ATG16L2: variants seen among roughly 807,000 people sequenced by gnomAD.
ATG16L2 encodes autophagy related 16 like 2, also known as protein Atg16l2.
Under a neutral mutation model 84.7 loss-of-function variants are expected in ATG16L2, and 77 were observed. The observed-to-expected ratio is 0.91, with a 90% confidence interval of 0.76 to 1.10. The LOEUF is 1.10. Among genes scored for constraint, ATG16L2 ranks in the 50% least tolerant of loss-of-function variants. ATG16L2 has a pLI of 0.00. For synonymous variants in ATG16L2, 361 were observed against 342.8 expected (o/e 1.05, Z -0.59); for missense variants, 782 against 817.6 (o/e 0.96, Z 0.53).
chr11:72,826,230 A>G lies in ATG16L2; in HGVS notation c.1160A>G (p.Asp387Gly). ...EGAGGSITSV[D>G]FDPSGYQVLA... The stretch of plus-strand genomic sequence containing the variant: ...GCTGGTGGCAGCATCACCAGTGTGG[A>G]CTTTGACCCCTCGGTGAGGAACTCT... Residue 387 changes from aspartate to glycine, a missense_variant, in exon 11 of 18, where the codon GAC becomes GGC. Asp to Gly is a moderately conservative substitution (Grantham distance 94). Transcript: ENST00000321297. The G allele has an allele frequency of 6.2e-7, 1 of 1,613,806 alleles. No individual in the cohort carries two copies.
chr11:72,840,474 T>C (rs1860888076), intron 5 of ATG16L2, among the ~76,000 whole-genome samples: 2 of 152,180 alleles, frequency 1.3e-5, no homozygotes, highest in Admixed American at 1.3e-4. Context: ...ACCCGGAGAA[T>C]AAACGCTCTT....
chr11:72,824,503 C>T, intron 8 of ATG16L2: 1 of 575,130 alleles, frequency 1.7e-6, no homozygotes, highest in Non-Finnish European at 3.1e-6. Flanking sequence ...TTTCTTTGCA[C>T]CCACCAACCC....
intron 5 of ATG16L2, chr11:72,841,448 C>T (rs762347999): frequency 7.5e-6 from 12 of 1,610,542 alleles, no homozygotes; most frequent in Non-Finnish European, 1.0e-5. Flanking sequence ...CCAGGAGAAC[C>T]CTTACCGTTT....
intron 3 of ATG16L2, chr11:72,821,144 A>G: frequency 1.2e-6 from 1 of 865,280 alleles, no homozygotes; most frequent in Non-Finnish European, 1.4e-6. Context: ...TCTCTTAGCT[A>G]CGTGACTTTG....
Position 72,826,700 on chromosome 11 carries a change from C to G in ATG16L2, c.1246-3C>G. The G allele has an allele frequency of 6.2e-7, 1 of 1,614,140 alleles. No individual in the cohort carries two copies. The highest frequency in any genetic ancestry group is 8.5e-7 in the Non-Finnish European group (1 of 1,180,010). On this transcript the variant is annotated splice_region_variant and splice_polypyrimidine_tract_variant and intron_variant, in intron 12 of 17. Transcript: ENST00000321297. ...TTGATCCGTACCTGGGGCCGGGGTA[C>G]AGGAGACACTGTCTGGACACAAGGA...
In ATG16L2 at chr11:72,821,366, C is replaced by T. The variant is rs573554911; in HGVS notation, c.319-302C>T. On this transcript the variant is annotated intron_variant, in intron 3 of 17. Coordinates refer to ENST00000321297, the MANE Select transcript of ATG16L2 (RefSeq NM_033388.2). ...GGGAGCGGAGCGCTGGCTTCCCACT[C>T]TTCAGGCGAGGCAGTGGAGCGGGTT... 50 of 1,204,854 alleles carry T rather than the reference C, an allele frequency of 4.1e-5. 1 individual carries two copies. The highest frequency in any genetic ancestry group is 7.7e-5 in the Admixed American group (2 of 25,844). The allele number at this position is 1,204,854 out of a possible 1,614,324, so 74.6% of individuals were successfully genotyped here. A position where few individuals can be genotyped will look rare whatever the true frequency, so the allele number is the denominator to read the frequency against.
chr11:72,823,946 C>A, intron 7 of ATG16L2, 114 bp from the exon 8 acceptor site: 1 of 1,183,276 alleles, frequency 8.5e-7, no homozygotes, highest in Non-Finnish European at 1.3e-6. Context: ...GTTCTTATCC[C>A]AGACTTGAGA....
intron 7 of ATG16L2, 192 bp downstream of exon 7, chr11:72,823,153 C>G: frequency 1.9e-6 from 1 of 529,746 alleles, no homozygotes; most frequent in Non-Finnish European, 3.4e-6. Context: ...TTCCATCTCA[C>G]CCCCCCAACC....
chr11:72,831,575 TTCTTCGATAC>T, downstream of ATG16L2, among the ~76,000 whole-genome samples: 1 of 152,272 alleles, frequency 6.6e-6, no homozygotes, highest in African/African-American at 2.4e-5. Context: ...GGCTCCAACA[TTCTTCGATAC>T]TCAGCCTTCT....
chr11:72,821,286 T>A (rs1051701657), intron 3 of ATG16L2: 4 of 1,024,064 alleles, frequency 3.9e-6, no homozygotes, highest in Non-Finnish European at 4.7e-6. Context: ...GAGGGCCGGA[T>A]GGGCATTTGG....
chr11:72,826,176 G>A lies in ATG16L2; in HGVS notation c.1106G>A (p.Arg369His), dbSNP rs374124705. The change falls in exon 11 of 18, where the codon CGC becomes CAC. Residue 369 changes from arginine (R) to histidine (H), a missense_variant. Transcript: ENST00000321297. ...LIHLWNVVGS[R>H]LEANQTLEGA... ...TCCCTTCCCCTGGTCCTCCCAGGTC[G>A]CCTGGAGGCCAACCAGACCCTGGAG... The A allele has an allele frequency of 1.4e-5, 22 of 1,612,496 alleles. No individual in the cohort carries two copies. The highest frequency in any genetic ancestry group is 2.7e-5 in the African/African-American group (2 of 74,890).
rs527297703 is a variant in ATG16L2 at position 72,842,847 on chromosome 11, GA to G, written c.*253del. 121 of 1,610,124 alleles carry G rather than the reference GA, an allele frequency of 7.5e-5. No homozygotes were observed. The African/African-American group carries it at 1.5e-3, about 20-fold the overall frequency. The stretch of plus-strand genomic sequence containing the variant: ...AAGTGCTTTCACAAAACATACTAGG[GA>G]GCAAGAGAAAAACAAATCTGGTAAG... On this transcript the variant is annotated 3_prime_UTR_variant, in exon 6 of 6. Transcript: ENST00000534905.
At chr11:72,821,533 C>T (rs1473896973) in intron 3 of ATG16L2, 135 bp from the exon 4 acceptor site, 1 of 1,463,588 alleles carries the variant, frequency 6.8e-7, no homozygotes, top group Non-Finnish European at 9.0e-7. Flanking sequence ...GGTCCCAAAC[C>T]TGTGTGGGGC....
At chr11:72,815,793 T>A (rs1859667168) in intron 1 of ATG16L2, 1 of 151,982 alleles carries the variant, frequency 6.6e-6, no homozygotes, top group Non-Finnish European at 1.5e-5. Context: ...AGGAGGGAGC[T>A]AGGCCCGGAC....
chr11:72,840,995 A>C (rs750081391), intron 5 of ATG16L2: 7 of 1,513,374 alleles, frequency 4.6e-6, no homozygotes, highest in Non-Finnish European at 6.4e-6. Context: ...ATTTTACTTG[A>C]GTTGTTGAGC....
At chr11:72,842,206 T>C (rs1860977854) in intron 5 of ATG16L2, among the ~76,000 whole-genome samples, 2 of 152,136 alleles carry the variant, frequency 1.3e-5, no homozygotes, top group South Asian at 4.1e-4. Flanking sequence ...TTCTCTGAAA[T>C]AGACTGGCAG....
chr11:72,835,218 G>A (rs933525728), intron 5 of ATG16L2, among the ~76,000 whole-genome samples: 4 of 152,330 alleles, frequency 2.6e-5, no homozygotes, highest in African/African-American at 4.8e-5. Flanking sequence ...GTCAGAAGAC[G>A]GAAATGACAT....
chr11:72,841,539 C>T (rs139161872), intron 5 of ATG16L2: 57 of 1,610,982 alleles, frequency 3.5e-5, no homozygotes, highest in African/African-American at 5.4e-5. Context: ...GGTCGTACAA[C>T]GGCAGTGGAG....
intron 5 of ATG16L2, among the ~76,000 whole-genome samples, chr11:72,834,882 G>A (rs533219666): frequency 1.3e-5 from 1 of 79,000 alleles, no homozygotes; most frequent in East Asian, 3.5e-4. Context: ...ACCGTGCCCA[G>A]CCATCATTCC....
Sources: allele counts gnomAD v4.1 joint callset (sites outside exome capture counted in the v4.1 genomes callset), GRCh38; gene constraint gnomAD v4.1.1; transcripts MANE v1.5; gene names NCBI Gene and HGNC (gene_info 2026-07-23, HGNC 2026-07-21).